The following HSD17B12 variants were observed in gnomAD, a reference collection of about 807,000 sequenced individuals.
HSD17B12 encodes the protein very-long-chain 3-oxoacyl-CoA reductase.
In HSD17B12, 32 loss-of-function variants were observed where a neutral mutation model predicts 39.3. The ratio of observed to expected loss-of-function variants is 0.81; its 90% CI spans 0.61 to 1.09. The LOEUF is 1.09. Among genes scored for constraint, HSD17B12 ranks in the 50% least tolerant of loss-of-function variants. HSD17B12 has a pLI of 0.00. For missense variants in HSD17B12, 342 were observed against 382.9 expected (o/e 0.89, Z 0.89); for synonymous variants, 150 against 146.7 (o/e 1.02, Z -0.16).
the HSD17B12 span, among the ~76,000 whole-genome samples, chr11:43,586,430 G>A: frequency 6.6e-6 from 1 of 152,170 alleles, no homozygotes; most frequent in South Asian, 2.1e-4. Context: ...CTAGCATGAA[G>A]CAGTTCCGTA....
rs1225260649 is a variant in HSD17B12 at position 43,798,240 on chromosome 11, A to G, written c.284-80A>G. The G allele has an allele frequency of 1.2e-5, 9 of 780,716 alleles. No homozygotes were observed. The East Asian group carries it at 2.3e-4, about 20-fold the overall frequency. 48.4% of individuals were successfully genotyped at this position (780,716 alleles called of 1,614,324 possible). On this transcript the variant is annotated intron_variant, in intron 3 of 10. Coordinates refer to ENST00000278353, the MANE Select transcript of HSD17B12 (RefSeq NM_016142.3). The stretch of plus-strand genomic sequence containing the variant: ...GTGGGGAGAAACGTCTGAAAGGATA[A>G]TGCTATCAAATGCCTTAATCTTCAC...
chr11:43,785,097 T>C (rs200885383), intron 3 of HSD17B12, among the ~76,000 whole-genome samples: 1 of 23,034 alleles, frequency 4.3e-5, no homozygotes, highest in African/African-American at 1.2e-4. Context: ...GTAAACAGGG[T>C]TTTTTTTTTT....
At chr11:43,754,773 A>G in intron 3 of HSD17B12, 1 of 637,338 alleles carries the variant, frequency 1.6e-6, no homozygotes, top group East Asian at 2.8e-5. Context: ...TACTCTTTTT[A>G]TCTCAGTGTT....
At chr11:43,589,119 T>C in the HSD17B12 span, among the ~76,000 whole-genome samples, 1 of 152,142 alleles carries the variant, frequency 6.6e-6, no homozygotes, top group Non-Finnish European at 1.5e-5. Context: ...TAAGGAAAAA[T>C]AGAAGGGCAA....
chr11:43,797,409 G>A (rs540348924), intron 3 of HSD17B12, among the ~76,000 whole-genome samples: 46 of 152,298 alleles, frequency 3.0e-4, no homozygotes, highest in African/African-American at 1.0e-3. Context: ...ATGGACTGCC[G>A]TCTGCGTACC....
At chr11:43,655,353 A>C in the HSD17B12 span, among the ~76,000 whole-genome samples, 25 of 152,350 alleles carry the variant, frequency 1.6e-4, no homozygotes, top group African/African-American at 5.5e-4. Context: ...ATCTGCAAAC[A>C]GGGACAATTT....
chr11:43,694,092 G>A (rs1169973203), intron 1 of HSD17B12, among the ~76,000 whole-genome samples: 1 of 152,180 alleles, frequency 6.6e-6, no homozygotes. Context: ...AAATGTTACT[G>A]TAATGGTGAC....
the HSD17B12 span, among the ~76,000 whole-genome samples, chr11:43,655,996 G>C: frequency 1.3e-5 from 2 of 152,194 alleles, no homozygotes; most frequent in Admixed American, 6.5e-5. Flanking sequence ...GCTCCTCCTT[G>C]TACCTCTGGT....
At chr11:43,673,496 T>TC in the HSD17B12 span, 715 of 142,678 alleles carry the variant, frequency 5.0e-3, 7 homozygotes, top group Non-Finnish European at 7.4e-3. Flanking sequence ...TCTTTTCTTT[T>TC]TTTTTTTTTT....
chr11:43,649,919 C>G, the HSD17B12 span, among the ~76,000 whole-genome samples: 1 of 152,154 alleles, frequency 6.6e-6, no homozygotes, highest in Non-Finnish European at 1.5e-5. Flanking sequence ...GATGCGACAT[C>G]AAGTGTAGAG....
At chr11:43,665,879 G>C in the HSD17B12 span, among the ~76,000 whole-genome samples, 2 of 152,186 alleles carry the variant, frequency 1.3e-5, no homozygotes, top group Non-Finnish European at 2.9e-5. Context: ...CCTTGGCCTG[G>C]AGCAAAGCCT....
chr11:43,835,077 T>C (rs1029519500), intron 7 of HSD17B12, among the ~76,000 whole-genome samples: 3 of 152,142 alleles, frequency 2.0e-5, no homozygotes, highest in Non-Finnish European at 2.9e-5. Flanking sequence ...GCAACATGAG[T>C]CTTCATTATA....
the HSD17B12 span, among the ~76,000 whole-genome samples, chr11:43,666,365 C>T: frequency 6.6e-6 from 1 of 152,052 alleles, no homozygotes; most frequent in African/African-American, 2.4e-5. Context: ...CCACCCCGCC[C>T]AGGTAACTTT....
intron 9 of HSD17B12, among the ~76,000 whole-genome samples, chr11:43,842,658 G>T (rs1421554821): frequency 1.3e-5 from 2 of 152,132 alleles, no homozygotes; most frequent in African/African-American, 2.4e-5. Context: ...CCATGAGAAG[G>T]TATTCATGGG....
the HSD17B12 span, among the ~76,000 whole-genome samples, chr11:43,668,326 A>G: frequency 3.9e-5 from 6 of 152,160 alleles, no homozygotes; most frequent in Non-Finnish European, 5.9e-5. Flanking sequence ...TTGCATCTCT[A>G]ATCATTCTCC....
the HSD17B12 span, among the ~76,000 whole-genome samples, chr11:43,594,500 T>C: frequency 1.3e-5 from 2 of 151,846 alleles, no homozygotes; most frequent in African/African-American, 4.8e-5. Context: ...GCTCAAAATT[T>C]TATGAACTGA....
intron 3 of HSD17B12, among the ~76,000 whole-genome samples, chr11:43,764,993 T>G (rs1950582915): frequency 1.1e-5 from 1 of 87,810 alleles, no homozygotes; most frequent in Non-Finnish European, 2.8e-5. Context: ...TCATTTTTTC[T>G]GCCTGCTTTT....
chr11:43,557,356 C>T, the HSD17B12 span, among the ~76,000 whole-genome samples: 3 of 152,026 alleles, frequency 2.0e-5, no homozygotes, highest in Non-Finnish European at 2.9e-5. Flanking sequence ...TTATTTTGCA[C>T]GTGAAAATTT....
At chr11:43,729,028 A>C (rs1351237134) in intron 1 of HSD17B12, among the ~76,000 whole-genome samples, 1 of 152,198 alleles carries the variant, frequency 6.6e-6, no homozygotes, top group African/African-American at 2.4e-5. Context: ...ATTATAATGT[A>C]TTTAGTGGCC....
Sources: gnomAD v4.1 joint callset for allele counts (sites outside exome capture counted in the v4.1 genomes callset) on GRCh38, gnomAD v4.1.1 for gene constraint, MANE v1.5 for transcripts, NCBI Gene and HGNC (gene_info 2026-07-23, HGNC 2026-07-21) for gene names.